CCDC3: variants seen among roughly 807,000 people sequenced by gnomAD.
CCDC3 encodes coiled-coil domain-containing protein 3.
A neutral mutation model predicts 21.4 loss-of-function variants in CCDC3; 24 were observed. The observed-to-expected ratio is 1.12, with a 90% confidence interval of 0.81 to 1.58. CCDC3 has a LOEUF of 1.58. Ranked by LOEUF, CCDC3 falls within the 40% of genes most tolerant of loss-of-function variation. The pLI, the probability that CCDC3 is intolerant of heterozygous loss-of-function variation, is 0.00. For missense variants in CCDC3, 425 were observed against 360.9 expected, an observed-to-expected ratio of 1.18 and a Z score of -1.44; for synonymous variants, 186 against 166.0, an observed-to-expected ratio of 1.12 and a Z score of -0.93.
intron 2 of CCDC3, among the ~76,000 whole-genome samples, chr10:12,981,008 G>C (rs1452195839): frequency 6.6e-6 from 1 of 152,040 alleles, no homozygotes; most frequent in Non-Finnish European, 1.5e-5. Context: ...GTCTCTCTTT[G>C]GGGGAGAGGA....
At chr10:12,911,303 G>C (rs10737064) in intron 2 of CCDC3, among the ~76,000 whole-genome samples, 151,916 of 152,356 alleles carry the variant, frequency 1, 75,740 homozygotes, top group Middle Eastern at 1. Context: ...CTCTATCTCT[G>C]GTTTTTACTG....
Position 12,898,314 on chromosome 10 carries a change from CA to C in CCDC3, c.*101del, listed in dbSNP as rs1482022218. 3.1e-6 allele frequency: 4 copies of C among 1,294,120 alleles called. No individual in the cohort carries two copies. Among genetic ancestry groups the C allele is most frequent in the Non-Finnish European group, 2.1e-6 (2 of 952,602 alleles). 80.2% of individuals were successfully genotyped at this position (1,294,120 alleles called of 1,614,324 possible). The stretch of plus-strand genomic sequence containing the variant: ...ACTCTACCAAATGCGTGATTAAAAA[CA>C]AAAACTCTTACAACCCTTGAAATAG... On this transcript the variant is annotated 3_prime_UTR_variant, in exon 3 of 3. Coordinates refer to ENST00000378825, the MANE Select transcript of CCDC3 (RefSeq NM_031455.4).
chr10:12,923,431 C>T (rs970915831), intron 2 of CCDC3, among the ~76,000 whole-genome samples: 2 of 152,194 alleles, frequency 1.3e-5, no homozygotes, highest in Non-Finnish European at 2.9e-5. Context: ...TCCTGGCACG[C>T]CCTTTCCACC....
upstream of CCDC3, among the ~76,000 whole-genome samples, chr10:13,002,264 C>G (rs560298416): frequency 6.6e-6 from 1 of 152,206 alleles, no homozygotes; most frequent in Non-Finnish European, 1.5e-5. Flanking sequence ...TTTCTAAACA[C>G]TGTACACCTG....
chr10:12,915,051 C>T (rs754758166), intron 2 of CCDC3, among the ~76,000 whole-genome samples: 23 of 152,140 alleles, frequency 1.5e-4, no homozygotes, highest in Non-Finnish European at 3.1e-4. Flanking sequence ...TCATTTGTCT[C>T]ATGACACTTT....
chr10:12,910,497 A>G (rs1189061001), intron 2 of CCDC3, among the ~76,000 whole-genome samples: 4 of 151,862 alleles, frequency 2.6e-5, no homozygotes, highest in Admixed American at 2.6e-4. Flanking sequence ...TGACAAGCAC[A>G]ATGATACGTG....
intron 5 of CCDC3, among the ~76,000 whole-genome samples, chr10:13,041,475 G>A (rs1564329890): frequency 1.6e-5 from 2 of 127,296 alleles, no homozygotes; most frequent in African/African-American, 6.4e-5. Flanking sequence ...CTCGCTGTGT[G>A]TAAGTTCACT....
chr10:12,963,621 C>G (rs535064038), intron 2 of CCDC3, among the ~76,000 whole-genome samples: 1 of 147,222 alleles, frequency 6.8e-6, no homozygotes, highest in Admixed American at 6.8e-5. Context: ...CTCACTCTAA[C>G]CCAGGCTGGA....
intron 3 of CCDC3, among the ~76,000 whole-genome samples, chr10:13,085,949 A>G (rs1166531444): frequency 6.6e-6 from 1 of 151,126 alleles, no homozygotes; most frequent in Non-Finnish European, 1.5e-5. Flanking sequence ...CCTGGGTGAC[A>G]GAGAGAGACT....
intron 3 of CCDC3, among the ~76,000 whole-genome samples, chr10:13,080,796 G>A (rs945747816): frequency 6.6e-6 from 1 of 152,236 alleles, no homozygotes; most frequent in Non-Finnish European, 1.5e-5. Flanking sequence ...TGTCAGGGAG[G>A]GGGCCAGGCA....
Position 13,039,750 on chromosome 10 carries a change from C to A in CCDC3, c.-2+9924G>T, listed in dbSNP as rs568600249. On this transcript the variant is annotated intron_variant, in intron 5 of 6. Transcript: ENST00000378839. ...TCTCTTTTCCTGGATCTGATTTCCT[C>A]CTTGTGCACAGCATCGTCAGCTGAA... Among the ~76,000 whole-genome samples, 121 of 152,160 alleles carry A rather than the reference C, an allele frequency of 8.0e-4. 1 individual carries two copies. The highest frequency in any genetic ancestry group is 2.6e-3 in the African/African-American group (108 of 41,532).
chr10:12,931,255 C>G (rs537539488), intron 2 of CCDC3, among the ~76,000 whole-genome samples: 6 of 149,714 alleles, frequency 4.0e-5, no homozygotes, highest in African/African-American at 1.5e-4. Flanking sequence ...GACAAGTCTG[C>G]CGTATTCATA....
chr10:12,948,280 T>A (rs982656700), intron 2 of CCDC3, among the ~76,000 whole-genome samples: 1 of 152,166 alleles, frequency 6.6e-6, no homozygotes, highest in Admixed American at 6.5e-5. Flanking sequence ...GAACTGTGAG[T>A]CCATTAAACC....
At chr10:12,953,293 C>A (rs1477456376) in intron 2 of CCDC3, among the ~76,000 whole-genome samples, 2 of 152,076 alleles carry the variant, frequency 1.3e-5, no homozygotes, top group African/African-American at 4.8e-5. Flanking sequence ...GACCTGACCC[C>A]GTGATTCAAT....
Position 12,986,541 on chromosome 10 carries a change from A to G in CCDC3, c.549+11797T>C, listed in dbSNP as rs549163342. ...TGTAATCCCAGCACTTTGGGAGGCC[A>G]AGGCGGGCGGATCACAAGGTCAGGA... On this transcript the variant is annotated intron_variant, in intron 2 of 2. Coordinates refer to ENST00000378825, the MANE Select transcript of CCDC3 (RefSeq NM_031455.4). 8.7e-4 allele frequency among the ~76,000 whole-genome samples: 132 copies of G among 152,322 alleles called. 3 individuals are homozygous for G. In the South Asian group the frequency reaches 0.018, roughly 21 times the overall value.
At chr10:12,998,204 G>C in intron 2 of CCDC3, 134 bp downstream of exon 2, 1 of 874,826 alleles carries the variant, frequency 1.1e-6, no homozygotes, top group Non-Finnish European at 1.7e-6. Flanking sequence ...TAGCAGGAGA[G>C]AGAGAGGGCA....
At chr10:12,992,486 G>C (rs1589033541) in intron 2 of CCDC3, among the ~76,000 whole-genome samples, 1 of 152,224 alleles carries the variant, frequency 6.6e-6, no homozygotes, top group East Asian at 1.9e-4. Context: ...AAAAAGGAAT[G>C]AAATAATGGC....
At chr10:13,081,652 A>G (rs1837040342) in intron 3 of CCDC3, among the ~76,000 whole-genome samples, 1 of 152,190 alleles carries the variant, frequency 6.6e-6, no homozygotes, top group African/African-American at 2.4e-5. Flanking sequence ...TCAAGTTACT[A>G]CTTTTAATGC....
At chr10:12,934,643 C>T (rs1834706253) in intron 2 of CCDC3, among the ~76,000 whole-genome samples, 1 of 152,200 alleles carries the variant, frequency 6.6e-6, no homozygotes, top group Non-Finnish European at 1.5e-5. Context: ...AGGCACATAA[C>T]ATTAAGAATC....
Sources: allele counts gnomAD v4.1 joint callset (sites outside exome capture counted in the v4.1 genomes callset), GRCh38; gene constraint gnomAD v4.1.1; transcripts MANE v1.5; gene names NCBI Gene and HGNC (gene_info 2026-07-23, HGNC 2026-07-21).